FAM149B1: variants seen among roughly 807,000 people sequenced by gnomAD.
The protein encoded by FAM149B1 is primary cilium assembly protein FAM149B1.
A neutral mutation model predicts 75.3 loss-of-function variants in FAM149B1; 56 were observed. That is an observed-to-expected ratio of 0.74 (90% CI 0.60 to 0.93). The LOEUF is 0.93. Ranked by LOEUF, FAM149B1 falls within the 40% of genes least tolerant of loss-of-function variation. The probability of loss-of-function intolerance (pLI) is 0.00; values close to 1 mark genes in which losing one functional copy is unlikely to be tolerated. For synonymous variants in FAM149B1, 259 were observed against 256.1 expected (o/e 1.01, Z -0.11); for missense variants, 639 against 708.4 (o/e 0.90, Z 1.11).
chr10:73,192,481 G>A, intron 3 of FAM149B1, 75 bp from the exon 4 acceptor site: 1 of 1,407,932 alleles, frequency 7.1e-7, no homozygotes, highest in Non-Finnish European at 9.7e-7. Context: ...AAGTCTTACT[G>A]CTTTTAATCT....
In FAM149B1 at chr10:73,243,914, T is replaced by C. The variant is rs138208732; in HGVS notation, c.*2895T>C. ...TCCTTTCTGCTCATTTCTGCTTCTT[T>C]GGCCTCTTCCTGAGCCTGAAACAGG... On this transcript the variant is annotated 3_prime_UTR_variant, in exon 14 of 14. Transcript: ENST00000242505. 6 of 1,614,170 alleles carry C rather than the reference T, an allele frequency of 3.7e-6. No individual in the cohort carries two copies. The African/African-American group carries it at 5.3e-5, about 14-fold the overall frequency.
intron 10 of FAM149B1, 82 bp downstream of exon 10, chr10:73,233,245 G>A (rs904168372): frequency 1.2e-5 from 12 of 977,362 alleles, no homozygotes; most frequent in African/African-American, 9.7e-5. Flanking sequence ...ATATAAGACT[G>A]AAATCTATGC....
chr10:73,222,883 A>C (rs1196588853), intron 7 of FAM149B1, among the ~76,000 whole-genome samples: 2 of 152,228 alleles, frequency 1.3e-5, no homozygotes, highest in Admixed American at 1.3e-4. Context: ...GTTTTTATTG[A>C]AGTGTAATAT....
chr10:73,239,610 T>G (rs2043897658), intron 13 of FAM149B1, among the ~76,000 whole-genome samples: 1 of 152,008 alleles, frequency 6.6e-6, no homozygotes, highest in Non-Finnish European at 1.5e-5. Flanking sequence ...CCTATTTTCT[T>G]CATACCATGT....
At chr10:73,227,308 T>C (rs1228672077) in intron 7 of FAM149B1, among the ~76,000 whole-genome samples, 1 of 152,096 alleles carries the variant, frequency 6.6e-6, no homozygotes, top group Non-Finnish European at 1.5e-5. Flanking sequence ...AAGCTGGTCT[T>C]GAACTACTGG....
chr10:73,213,639 A>G (rs2043238175), intron 7 of FAM149B1, among the ~76,000 whole-genome samples: 1 of 151,710 alleles, frequency 6.6e-6, no homozygotes, highest in African/African-American at 2.4e-5. Context: ...AGATCAGTTG[A>G]TTGGCTTTAT....
chr10:73,172,826 G>A (rs1346659828), intron 1 of FAM149B1, among the ~76,000 whole-genome samples: 2 of 151,878 alleles, frequency 1.3e-5, no homozygotes, highest in African/African-American at 2.4e-5. Context: ...GAAATTGGCC[G>A]AGTGCAGTGG....
chr10:73,191,497 C>T (rs963243537), intron 3 of FAM149B1, among the ~76,000 whole-genome samples: 3 of 152,134 alleles, frequency 2.0e-5, no homozygotes, highest in Non-Finnish European at 2.9e-5. Flanking sequence ...CCATCACACC[C>T]AGCTAATTTT....
intron 7 of FAM149B1, among the ~76,000 whole-genome samples, chr10:73,223,312 G>T (rs547650433): frequency 6.6e-6 from 1 of 152,176 alleles, no homozygotes; most frequent in South Asian, 2.1e-4. Flanking sequence ...GATTCATATA[G>T]TATATACCCT....
At chr10:73,197,907 T>C (rs1168339459) in intron 5 of FAM149B1, among the ~76,000 whole-genome samples, 1 of 152,200 alleles carries the variant, frequency 6.6e-6, no homozygotes, top group Admixed American at 6.6e-5. Context: ...TACTTCAAGT[T>C]AGCTAAGGGG....
rs2043746370 is a variant in FAM149B1, at chr10:73,233,071, TCCA to T, written c.1268_1270del (p.Pro423del). 4 of 1,551,682 alleles carry T rather than the reference TCCA, an allele frequency of 2.6e-6. No individual in the cohort carries two copies. The South Asian group carries it at 4.8e-5, about 18-fold the overall frequency. Reference sequence around the variant, plus strand: ...CAGTGCAGTCCACCAGGAGACGCAATCCACCACCACGAACTCTTCATCCGATCA... The same window carrying T: ...CAGTGCAGTCCACCAGGAGACGCAATCCACCACGAACTCTTCATCCGATCA... On this transcript the variant is annotated inframe_deletion, in exon 10 of 14. Coordinates refer to ENST00000242505, the MANE Select transcript of FAM149B1 (RefSeq NM_173348.2).
Position 73,243,893 on chromosome 10 carries a change from T to C in FAM149B1, c.*2874T>C. The C allele has an allele frequency of 6.2e-7, 1 of 1,614,124 alleles. No homozygotes were observed. Among genetic ancestry groups the C allele is most frequent in the South Asian group, 1.1e-5 (1 of 91,070 alleles). On this transcript the variant is annotated 3_prime_UTR_variant, in exon 14 of 14. Transcript: ENST00000242505. ...ACGCCTTCATCAAGCCCCAACTCCT[T>C]TCTGCTCATTTCTGCTTCTTTGGCC...
chr10:73,244,191 CATG>C lies in FAM149B1; in HGVS notation c.*3178_*3180del. 1 of 434,648 alleles carries C rather than the reference CATG, an allele frequency of 2.3e-6. No homozygotes were observed. 26.9% of individuals were successfully genotyped at this position (434,648 alleles called of 1,614,324 possible). ...TAAGTACTCTGGCACTCATAAATCA[CATG>C]ATGATAAAAAGGAACATGAGGCCGG... On this transcript the variant is annotated 3_prime_UTR_variant, in exon 14 of 14. Coordinates refer to ENST00000242505, the MANE Select transcript of FAM149B1 (RefSeq NM_173348.2).
chr10:73,181,159 A>G (rs946891174), intron 3 of FAM149B1, among the ~76,000 whole-genome samples: 10 of 151,896 alleles, frequency 6.6e-5, no homozygotes, highest in Non-Finnish European at 1.5e-4. Context: ...GGTGCCTGCT[A>G]CCACACCCAG....
rs994474388 is a variant in FAM149B1 at position 73,242,363 on chromosome 10, A to G, written c.*1344A>G. ...ATCTCTATTGTTCTCACAAACCATT[A>G]CCATGAGTTCACTATAACAACTGGA... On this transcript the variant is annotated 3_prime_UTR_variant, in exon 14 of 14. Transcript: ENST00000242505. 3 of 152,196 alleles carry G rather than the reference A, an allele frequency of 2.0e-5. No homozygotes were observed. The highest frequency in any genetic ancestry group is 4.4e-5 in the Non-Finnish European group (3 of 68,030). 9.4% of individuals were successfully genotyped at this position (152,196 alleles called of 1,614,324 possible).
intron 7 of FAM149B1, among the ~76,000 whole-genome samples, chr10:73,213,055 T>C (rs778559711): frequency 6.6e-6 from 1 of 151,978 alleles, no homozygotes. Flanking sequence ...CCATGTTGCC[T>C]GGGCTGGTCT....
At chr10:73,222,643 A>G (rs2043445028) in intron 7 of FAM149B1, among the ~76,000 whole-genome samples, 1 of 152,106 alleles carries the variant, frequency 6.6e-6, no homozygotes, top group Non-Finnish European at 1.5e-5. Flanking sequence ...TCTTTATGCC[A>G]TATCTTGGAA....
intron 10 of FAM149B1, chr10:73,234,160 C>A (rs886885734): frequency 1.3e-5 from 2 of 152,200 alleles, no homozygotes; most frequent in Non-Finnish European, 2.9e-5. Flanking sequence ...GTTTTCAATG[C>A]GGCTTCCAAG....
chr10:73,223,489 A>G (rs1480085735), intron 7 of FAM149B1, among the ~76,000 whole-genome samples: 1 of 152,198 alleles, frequency 6.6e-6, no homozygotes, highest in African/African-American at 2.4e-5. Flanking sequence ...ACTATTATGA[A>G]TATTTTTGTA....
Sources: allele counts gnomAD v4.1 joint callset (sites outside exome capture counted in the v4.1 genomes callset), GRCh38; gene constraint gnomAD v4.1.1; transcripts MANE v1.5; gene names NCBI Gene and HGNC (gene_info 2026-07-23, HGNC 2026-07-21).